PADI4: variants seen among roughly 807,000 people sequenced by gnomAD.
PADI4 encodes the protein peptidyl arginine deiminase 4, also known as protein-arginine deiminase type-4.
A neutral mutation model predicts 75.0 loss-of-function variants in PADI4; 62 were observed. The ratio of observed to expected loss-of-function variants is 0.83; its 90% CI spans 0.67 to 1.02. The LOEUF is 1.02. Among genes scored for constraint, PADI4 ranks in the 50% least tolerant of loss-of-function variants. PADI4 has a pLI of 0.00. For missense variants in PADI4, 845 were observed against 850.5 expected (o/e 0.99, Z 0.08); for synonymous variants, 361 against 348.1 (o/e 1.04, Z -0.41).
intron 1 of PADI4, among the ~76,000 whole-genome samples, 183 bp from the exon 2 acceptor site, chr1:17,330,786 T>C (rs989900116): frequency 6.6e-6 from 1 of 152,124 alleles, no homozygotes; most frequent in Non-Finnish European, 1.5e-5. Flanking sequence ...GTCCACTGAC[T>C]CAAATGCCAA....
rs71575827 is a variant in PADI4 at position 17,324,146 on chromosome 1, G to GTTTTTTTT, written c.93-6822_93-6815dup. 7.0e-5 allele frequency among the ~76,000 whole-genome samples: 8 copies of GTTTTTTTT among 113,904 alleles called. 4 individuals carry two copies. Among genetic ancestry groups the GTTTTTTTT allele is most frequent in the Non-Finnish European group, 1.1e-4 (6 of 54,814 alleles). 74.7% of individuals were successfully genotyped at this position (113,904 alleles called of 152,430 possible). A position where few individuals can be genotyped will look rare whatever the true frequency, so the allele number is the denominator to read the frequency against. On this transcript the variant is annotated intron_variant, in intron 1 of 15. Transcript: ENST00000375448. ...GGGCTGGCTAATAACACCAAGTTGG[G>GTTTTTTTT]TTTTTTTTGTTTTTTTTTTTTTGCA...
intron 15 of PADI4, among the ~76,000 whole-genome samples, chr1:17,362,351 C>CAAAA (rs34897407): frequency 2.8e-5 from 3 of 107,336 alleles, no homozygotes; most frequent in Admixed American, 1.0e-4. Flanking sequence ...GACCCTGTCT[C>CAAAA]AAAAAAAAAA....
At chr1:17,320,987 A>C (rs1484213799) in intron 1 of PADI4, among the ~76,000 whole-genome samples, 1 of 152,190 alleles carries the variant, frequency 6.6e-6, no homozygotes, top group Non-Finnish European at 1.5e-5. Flanking sequence ...TCACATTTGC[A>C]AGTTTCCTTT....
At chr1:17,326,827 A>C (rs2074123834) in intron 1 of PADI4, among the ~76,000 whole-genome samples, 1 of 152,028 alleles carries the variant, frequency 6.6e-6, no homozygotes, top group Admixed American at 6.6e-5. Context: ...AGAAGAGTTG[A>C]AATCTTCAAC....
At chr1:17,330,106 C>T (rs1188184109) in intron 1 of PADI4, among the ~76,000 whole-genome samples, 1 of 152,192 alleles carries the variant, frequency 6.6e-6, no homozygotes, top group Non-Finnish European at 1.5e-5. Context: ...GTGGTGGAAA[C>T]CTCTGGGTGG....
intron 2 of PADI4, 95 bp downstream of exon 2, chr1:17,331,244 C>A: frequency 9.2e-7 from 1 of 1,090,006 alleles, no homozygotes; most frequent in Admixed American, 2.6e-5. Flanking sequence ...ACCAGCCTGG[C>A]AGAGCCTCTT....
chr1:17,339,163 G>C (rs367550087), intron 5 of PADI4, among the ~76,000 whole-genome samples: 1 of 152,034 alleles, frequency 6.6e-6, no homozygotes, highest in East Asian at 1.9e-4. Context: ...CAAATTGACC[G>C]CAAAGCCTTT....
chr1:17,323,716 C>T (rs536977991), intron 1 of PADI4, among the ~76,000 whole-genome samples: 51 of 152,156 alleles, frequency 3.4e-4, no homozygotes, highest in Non-Finnish European at 6.3e-4. Flanking sequence ...ACCTGTAGTC[C>T]TGGCTACTTG....
In PADI4 at chr1:17,314,478, G is replaced by A. The variant is rs142854452; in HGVS notation, c.92+6164G>A. ...AGAGCCACTGGGGCATCTCCTGGCC[G>A]GGAACTGCCCCCTGGGCTGAGCTGT... On this transcript the variant is annotated intron_variant, in intron 1 of 15. Coordinates refer to ENST00000375448, the MANE Select transcript of PADI4 (RefSeq NM_012387.3). Among the ~76,000 whole-genome samples, 84 of 152,294 alleles carry A rather than the reference G, an allele frequency of 5.5e-4. 2 individuals carry two copies. In the East Asian group the frequency reaches 0.013, roughly 23 times the overall value.
chr1:17,335,500 A>C (rs2074293611), intron 3 of PADI4, among the ~76,000 whole-genome samples: 1 of 152,206 alleles, frequency 6.6e-6, no homozygotes, highest in Admixed American at 6.5e-5. Flanking sequence ...TTAGAAGGTC[A>C]TCTGGGTCAG....
chr1:17,343,797 G>A lies in PADI4; in HGVS notation c.935+1395G>A, dbSNP rs182757150. ...AGTGCCTTTTGCCTCCCACCATGGT[G>A]TCCCCAGCCATGTGGGAGTGTAAGT... On this transcript the variant is annotated intron_variant, in intron 8 of 15. Transcript: ENST00000375448. Among the ~76,000 whole-genome samples, 519 of 152,216 alleles carry A rather than the reference G, an allele frequency of 3.4e-3. 3 individuals carry two copies. The highest frequency in any genetic ancestry group is 0.012 in the African/African-American group (483 of 41,530).
rs1369964069 is a variant in PADI4 at position 17,359,391 on chromosome 1, G to A, written c.1741G>A (p.Ala581Thr). 6.2e-7 allele frequency: 1 copy of A among 1,614,164 alleles called. No homozygotes were observed. Among genetic ancestry groups the A allele is most frequent in the South Asian group, 1.1e-5 (1 of 91,078 alleles). Residue 581 changes from alanine to threonine, a missense_variant, in exon 15 of 16, where the codon GCT becomes ACT. Physicochemically the swap from Ala to Thr is moderately conservative, Grantham distance 58. Coordinates refer to ENST00000375448, the MANE Select transcript of PADI4 (RefSeq NM_012387.3). ...FKLKEFSKAE[A>T]FFPNMVNMLV... ...GCTCAAAGAGTTCTCTAAGGCGGAA[G>A]CTTTTTTCCCCAACATGGTGAGGAG... is the stretch of plus-strand genomic sequence containing the variant.
At chr1:17,312,542 C>A (rs902947022) in intron 1 of PADI4, among the ~76,000 whole-genome samples, 30 of 151,020 alleles carry the variant, frequency 2.0e-4, no homozygotes, top group African/African-American at 7.3e-4. Context: ...TAAGTGGTTG[C>A]ATTGAGTCTT....
At chr1:17,337,908 C>A (rs539761817) in intron 4 of PADI4, 130 bp from the exon 5 acceptor site, 1 of 363,154 alleles carries the variant, frequency 2.8e-6, no homozygotes, top group African/African-American at 2.1e-5. Context: ...AGGGAGACTC[C>A]GTCTCAAAAA....
At chr1:17,351,985 G>GTGGTA (rs71014939) in intron 10 of PADI4, among the ~76,000 whole-genome samples, 22 of 57,114 alleles carry the variant, frequency 3.9e-4, no homozygotes, top group Admixed American at 3.2e-3. Context: ...GTGATGGGAG[G>GTGGTA]AGAGGCAGTC....
At chr1:17,345,929 C>T in intron 8 of PADI4, 99 bp from the exon 9 acceptor site, 1 of 729,824 alleles carries the variant, frequency 1.4e-6, no homozygotes, top group Non-Finnish European at 2.4e-6. Flanking sequence ...CTGTTCAGGC[C>T]ACAGGTGACC....
chr1:17,325,905 C>T (rs1016871023), intron 1 of PADI4, among the ~76,000 whole-genome samples: 5 of 151,906 alleles, frequency 3.3e-5, no homozygotes, highest in Non-Finnish European at 7.4e-5. Flanking sequence ...GGTTTTGCCA[C>T]GTTGGCCAGG....
chr1:17,354,441 T>C lies in PADI4; in HGVS notation c.1156-92T>C, dbSNP rs575637699. ...CTGTAGACGGTACTGAGTTACTTCC[T>C]GTGCCCAAGTTCATCTCTAAACTTG... On this transcript the variant is annotated intron_variant, in intron 10 of 15. Transcript: ENST00000375448. 2.3e-4 allele frequency: 255 copies of C among 1,096,340 alleles called. 1 individual carries two copies. In the South Asian group the frequency reaches 3.1e-3, roughly 13 times the overall value. 67.9% of individuals were successfully genotyped at this position (1,096,340 alleles called of 1,614,324 possible). A position where few individuals can be genotyped will look rare whatever the true frequency, so the allele number is the denominator to read the frequency against.
At chr1:17,341,473 C>T (rs953285721) in intron 6 of PADI4, among the ~76,000 whole-genome samples, 1 of 152,204 alleles carries the variant, frequency 6.6e-6, no homozygotes, top group Non-Finnish European at 1.5e-5. Flanking sequence ...CCAGGCATCA[C>T]CTCCTCCAGG....
Sources: gnomAD v4.1 joint callset for allele counts (sites outside exome capture counted in the v4.1 genomes callset) on GRCh38, gnomAD v4.1.1 for gene constraint, MANE v1.5 for transcripts, NCBI Gene and HGNC (gene_info 2026-07-23, HGNC 2026-07-21) for gene names.